The following GABRG3 variants were observed in gnomAD, a reference collection of about 807,000 sequenced individuals.
The protein encoded by GABRG3 is gamma-aminobutyric acid type A receptor subunit gamma3, also known as gamma-aminobutyric acid receptor subunit gamma-3.
A neutral mutation model predicts 48.8 loss-of-function variants in GABRG3; 25 were observed. The observed-to-expected ratio is 0.51, with a 90% confidence interval of 0.37 to 0.72. GABRG3 has a LOEUF of 0.72. GABRG3 is among the 30% of genes least tolerant of loss of function. The probability of loss-of-function intolerance (pLI) is 0.00; values close to 1 mark genes in which losing one functional copy is unlikely to be tolerated. For synonymous variants in GABRG3, 227 were observed against 217.6 expected (o/e 1.04, Z -0.38); for missense variants, 394 against 577.9 (o/e 0.68, Z 3.26).
At chr15:27,395,319 T>C (rs992160237) in intron 5 of GABRG3, among the ~76,000 whole-genome samples, 1 of 152,250 alleles carries the variant, frequency 6.6e-6, no homozygotes, top group Non-Finnish European at 1.5e-5. Context: ...TCCTTGTACG[T>C]AATTTCTATC....
chr15:27,053,473 A>T (rs1047263337), intron 3 of GABRG3, among the ~76,000 whole-genome samples: 2 of 152,236 alleles, frequency 1.3e-5, no homozygotes, highest in Non-Finnish European at 2.9e-5. Context: ...ATTACTAAAA[A>T]GTTAAAAGCC....
At chr15:27,473,570 C>A (rs532304754) in intron 5 of GABRG3, among the ~76,000 whole-genome samples, 108 of 152,260 alleles carry the variant, frequency 7.1e-4, no homozygotes, top group African/African-American at 2.4e-3. Context: ...AATAAGCTGG[C>A]TGATCAGCTT....
chr15:27,169,051 C>T (rs1159958438), intron 3 of GABRG3, among the ~76,000 whole-genome samples: 1 of 152,162 alleles, frequency 6.6e-6, no homozygotes, highest in East Asian at 1.9e-4. Flanking sequence ...AAGTACTGTG[C>T]CAAGGACTGG....
intron 5 of GABRG3, among the ~76,000 whole-genome samples, chr15:27,369,723 C>T (rs1164413734): frequency 4.3e-5 from 6 of 140,578 alleles, no homozygotes; most frequent in Middle Eastern, 3.8e-3. Flanking sequence ...AGGAGAATGG[C>T]GTGAACCCGG....
chr15:27,513,734 A>G (rs931461453), intron 6 of GABRG3, among the ~76,000 whole-genome samples: 1 of 152,204 alleles, frequency 6.6e-6, no homozygotes, highest in Admixed American at 6.5e-5. Flanking sequence ...GAATCTGCCA[A>G]CCAGGTCCCA....
At chr15:27,072,014 A>G (rs574124372) in intron 3 of GABRG3, among the ~76,000 whole-genome samples, 10 of 152,334 alleles carry the variant, frequency 6.6e-5, no homozygotes, top group African/African-American at 2.4e-4. Context: ...CCGCACAAAG[A>G]GCTCACCTGA....
At chr15:27,524,216 G>T (rs552241981) in intron 7 of GABRG3, among the ~76,000 whole-genome samples, 3 of 152,226 alleles carry the variant, frequency 2.0e-5, no homozygotes, top group Admixed American at 2.0e-4. Flanking sequence ...CAAGGAGGAA[G>T]TAGCACAGCA....
chr15:27,513,651 A>G (rs1034659105), intron 6 of GABRG3, among the ~76,000 whole-genome samples: 2 of 152,060 alleles, frequency 1.3e-5, no homozygotes, highest in Admixed American at 1.3e-4. Flanking sequence ...GAGACGAGGA[A>G]AAGAATAAAA....
chr15:27,003,958 G>A (rs1224214750), intron 2 of GABRG3, among the ~76,000 whole-genome samples: 5 of 149,402 alleles, frequency 3.3e-5, no homozygotes, highest in African/African-American at 1.2e-4. Flanking sequence ...CCTCCTGGAC[G>A]GGGCGGCTGG....
intron 5 of GABRG3, among the ~76,000 whole-genome samples, chr15:27,391,819 A>T (rs1595724358): frequency 6.6e-6 from 1 of 152,326 alleles, no homozygotes; most frequent in South Asian, 2.1e-4. Context: ...TATGATCTCA[A>T]CCCATTCTCT....
intron 5 of GABRG3, among the ~76,000 whole-genome samples, chr15:27,368,048 G>A (rs578233219): frequency 3.9e-5 from 6 of 152,280 alleles, no homozygotes; most frequent in Admixed American, 3.9e-4. Flanking sequence ...CTCACACTGC[G>A]GCCCCAGAAT....
intron 3 of GABRG3, among the ~76,000 whole-genome samples, chr15:27,272,492 A>AC (rs1423467971): frequency 1.3e-5 from 2 of 152,078 alleles, no homozygotes; most frequent in African/African-American, 4.8e-5. Flanking sequence ...ATTTTCAAAG[A>AC]CCTCTGCAAA....
chr15:27,170,735 T>C (rs1233848278), intron 3 of GABRG3, among the ~76,000 whole-genome samples: 2 of 152,224 alleles, frequency 1.3e-5, no homozygotes, highest in African/African-American at 4.8e-5. Flanking sequence ...CCATGGACCA[T>C]GTGAATCATG....
At chr15:27,304,651 G>C (rs528941177) in intron 3 of GABRG3, among the ~76,000 whole-genome samples, 1 of 151,924 alleles carries the variant, frequency 6.6e-6, no homozygotes, top group South Asian at 2.1e-4. Context: ...CTCCTTCTCT[G>C]CCTCTGATCT....
At chr15:27,003,335 A>G (rs1895494013) in intron 2 of GABRG3, among the ~76,000 whole-genome samples, 2 of 151,658 alleles carry the variant, frequency 1.3e-5, no homozygotes, top group South Asian at 4.2e-4. Flanking sequence ...AAGTGAACAA[A>G]GGTCTCTGGT....
intron 3 of GABRG3, among the ~76,000 whole-genome samples, chr15:27,249,144 G>A (rs1006818833): frequency 6.6e-6 from 1 of 152,184 alleles, no homozygotes; most frequent in Non-Finnish European, 1.5e-5. Context: ...CAGGTGATGC[G>A]GCTGCGGGAG....
rs188469073 is a variant in GABRG3, at chr15:27,022,089, A to G, written c.203-4665A>G. Among the ~76,000 whole-genome samples, 640 of 152,222 alleles carry G rather than the reference A, an allele frequency of 4.2e-3. 5 individuals carry two copies. The highest frequency in any genetic ancestry group is 0.014 in the Middle Eastern group (4 of 294). On this transcript the variant is annotated intron_variant, in intron 2 of 9. Transcript: ENST00000615808. ...TAGATGACTGCAGAACCCATGCCCT[A>G]TGAACGCATGCTGAGCCAAGCACAA...
intron 3 of GABRG3, among the ~76,000 whole-genome samples, chr15:27,079,920 T>C (rs755325254): frequency 4.6e-5 from 7 of 152,244 alleles, no homozygotes; most frequent in Middle Eastern, 3.4e-3. Flanking sequence ...GGAAGAAAGG[T>C]ATCCTCCCAA....
Position 27,067,927 on chromosome 15 carries a change from A to G in GABRG3, c.270+41106A>G, listed in dbSNP as rs114810761. 6.7e-3 allele frequency among the ~76,000 whole-genome samples: 1,022 copies of G among 152,302 alleles called. 10 individuals carry two copies. The highest frequency in any genetic ancestry group is 0.024 in the African/African-American group (990 of 41,548). On this transcript the variant is annotated intron_variant, in intron 3 of 9. Coordinates refer to ENST00000615808, the MANE Select transcript of GABRG3 (RefSeq NM_033223.5). ...GAAGCTGCATCATACTTTGAACATG[A>G]AAAGTTTAATATAGAGAATTACTAA...
Sources: allele counts gnomAD v4.1 joint callset (sites outside exome capture counted in the v4.1 genomes callset), GRCh38; gene constraint gnomAD v4.1.1; transcripts MANE v1.5; gene names NCBI Gene and HGNC (gene_info 2026-07-23, HGNC 2026-07-21).